SORD: variants seen among roughly 807,000 people sequenced by gnomAD.
SORD encodes (R,R)-butanediol dehydrogenase.
SORD carries 18 observed loss-of-function variants against 35.6 expected under a neutral mutation model. The ratio of observed to expected loss-of-function variants is 0.51; its 90% CI spans 0.35 to 0.75. The LOEUF (loss-of-function observed/expected upper bound fraction) is 0.75. SORD is among the 30% of genes least tolerant of loss of function. SORD has a pLI of 0.01. For missense variants in SORD, 250 were observed against 390.2 expected (o/e 0.64, Z 3.03); for synonymous variants, 106 against 152.9 (o/e 0.69, Z 2.26).
At chr15:45,041,059 T>A (rs1892957858) in intron 2 of SORD, among the ~76,000 whole-genome samples, 1 of 152,206 alleles carries the variant, frequency 6.6e-6, no homozygotes, top group African/African-American at 2.4e-5. Flanking sequence ...ACTCCACTCC[T>A]TCTAGGCCTC....
chr15:45,037,757 T>TA (rs1892893312), intron 1 of SORD, among the ~76,000 whole-genome samples: 1 of 150,820 alleles, frequency 6.6e-6, no homozygotes, highest in East Asian at 1.9e-4. Flanking sequence ...ACAATGAGAA[T>TA]ACATGGACAC....
intron 3 of SORD, among the ~76,000 whole-genome samples, chr15:45,055,179 A>G (rs942871459): frequency 1.6e-4 from 24 of 152,246 alleles, no homozygotes; most frequent in East Asian, 5.8e-4. Context: ...CCAATTCTGT[A>G]AAGAAAGTCA....
At chr15:45,037,302 T>C (rs867126747) in intron 1 of SORD, among the ~76,000 whole-genome samples, 12 of 152,266 alleles carry the variant, frequency 7.9e-5, no homozygotes, top group South Asian at 2.1e-4. Flanking sequence ...CGAGCACAGC[T>C]GTTCAGCTCT....
intron 1 of SORD, among the ~76,000 whole-genome samples, chr15:45,036,001 G>A (rs146539969): frequency 0.011 from 1,600 of 151,826 alleles, 26 homozygotes; most frequent in African/African-American, 0.037. Flanking sequence ...CCTGAAGCCA[G>A]GGAGACCACG....
intron 3 of SORD, among the ~76,000 whole-genome samples, chr15:45,045,727 G>C (rs1327078606): frequency 6.6e-6 from 1 of 152,088 alleles, no homozygotes; most frequent in Non-Finnish European, 1.5e-5. Context: ...CACTTGGCTG[G>C]GCATGGTGGC....
intron 3 of SORD, among the ~76,000 whole-genome samples, chr15:45,050,005 A>G (rs575835154): frequency 2.0e-5 from 3 of 152,394 alleles, no homozygotes; most frequent in Admixed American, 6.5e-5. Flanking sequence ...TGCATAAAGT[A>G]CAGCAAGAAT....
intron 1 of SORD, among the ~76,000 whole-genome samples, chr15:45,029,548 C>T (rs931940428): frequency 1.3e-5 from 2 of 152,278 alleles, no homozygotes; most frequent in Admixed American, 1.3e-4. Context: ...GGGGCTGTTA[C>T]AGTGCTCCTT....
At chr15:45,050,501 C>A (rs1257657766) in intron 3 of SORD, 6 of 152,230 alleles carry the variant, frequency 3.9e-5, no homozygotes, top group African/African-American at 1.4e-4. Flanking sequence ...ACATTCTTTA[C>A]TCACCACAGT....
chr15:45,048,072 A>G (rs1236449410), intron 3 of SORD, among the ~76,000 whole-genome samples: 1 of 152,206 alleles, frequency 6.6e-6, no homozygotes, highest in African/African-American at 2.4e-5. Context: ...TATCTGCATG[A>G]AGATGAACCA....
intron 7 of SORD, among the ~76,000 whole-genome samples, chr15:45,069,549 T>C (rs939672649): frequency 3.3e-4 from 50 of 152,176 alleles, no homozygotes; most frequent in African/African-American, 1.1e-3. Context: ...CTTACATCCT[T>C]ATTGGGCCAT....
At chr15:45,027,930 G>A (rs1327430872) in intron 1 of SORD, among the ~76,000 whole-genome samples, 1 of 152,184 alleles carries the variant, frequency 6.6e-6, no homozygotes, top group African/African-American at 2.4e-5. Context: ...TTTAATACAG[G>A]GCTTTACAAA....
At chr15:45,063,731 C>G (rs565098474) in intron 4 of SORD, among the ~76,000 whole-genome samples, 22 of 152,296 alleles carry the variant, frequency 1.4e-4, no homozygotes, top group African/African-American at 4.8e-4. Flanking sequence ...CTCAGGAGGC[C>G]CAGATGTGGA....
chr15:45,028,792 ATTT>A (rs1892721735), intron 1 of SORD, among the ~76,000 whole-genome samples: 1 of 152,246 alleles, frequency 6.6e-6, no homozygotes, highest in African/African-American at 2.4e-5. Flanking sequence ...AAATACTCTT[ATTT>A]ATTTTTAAAA....
intron 7 of SORD, 142 bp downstream of exon 7, chr15:45,069,194 CTTTTTTTTTTT>C (rs752540495): frequency 1.4e-4 from 16 of 116,994 alleles, no homozygotes; most frequent in South Asian, 7.1e-4. Context: ...TTTTCTTTTT[CTTTTTTTTTTT>C]TTTTTTTTTT....
intron 3 of SORD, 37 bp from the exon 4 acceptor site, chr15:45,061,030 C>A: frequency 1.2e-6 from 2 of 1,613,504 alleles, no homozygotes; most frequent in Non-Finnish European, 1.7e-6. Flanking sequence ...TCTGCTCCCA[C>A]CCTCGGACAT....
intron 5 of SORD, among the ~76,000 whole-genome samples, chr15:45,067,283 A>T (rs1285668180): frequency 2.0e-5 from 3 of 151,872 alleles, no homozygotes; most frequent in African/African-American, 7.3e-5. Flanking sequence ...AATTGCTTGA[A>T]CCCGGGAGGC....
intron 1 of SORD, among the ~76,000 whole-genome samples, chr15:45,024,500 G>C (rs1892639689): frequency 6.6e-6 from 1 of 152,126 alleles, no homozygotes; most frequent in Non-Finnish European, 1.5e-5. Flanking sequence ...CAAGGTGATA[G>C]GTTTTGTTAG....
intron 3 of SORD, 142 bp from the exon 4 acceptor site, chr15:45,060,925 C>T: frequency 1.3e-6 from 2 of 1,503,788 alleles, no homozygotes; most frequent in Non-Finnish European, 1.8e-6. Flanking sequence ...TCTCATCTGG[C>T]ATCTGCCCAT....
At chr15:45,041,495 G>A (rs2600888) in intron 2 of SORD, among the ~76,000 whole-genome samples, 18,152 of 150,844 alleles carry the variant, frequency 0.12, 1,136 homozygotes, top group South Asian at 0.22. Flanking sequence ...GATCAAAGGC[G>A]GCTTTCCTGG....
Sources: allele counts gnomAD v4.1 joint callset (sites outside exome capture counted in the v4.1 genomes callset), GRCh38; gene constraint gnomAD v4.1.1; transcripts MANE v1.5; gene names NCBI Gene and HGNC (gene_info 2026-07-23, HGNC 2026-07-21).